The following C2CD5 variants were observed in gnomAD, a reference collection of about 807,000 sequenced individuals.
C2CD5 encodes the protein C2 calcium dependent domain containing 5.
A neutral mutation model predicts 130.3 loss-of-function variants in C2CD5; 109 were observed. The ratio of observed to expected loss-of-function variants is 0.84; its 90% CI spans 0.72 to 0.98. C2CD5 has a LOEUF of 0.98. Among genes scored for constraint, C2CD5 ranks in the 50% least tolerant of loss-of-function variants. The probability of loss-of-function intolerance (pLI) is 0.00; values close to 1 mark genes in which losing one functional copy is unlikely to be tolerated. For missense variants in C2CD5, 996 were observed against 1,261.8 expected (o/e 0.79, Z 3.19); for synonymous variants, 454 against 429.2 (o/e 1.06, Z -0.71).
chr12:22,500,199 T>C (rs1350125724), intron 10 of C2CD5, among the ~76,000 whole-genome samples: 4 of 150,014 alleles, frequency 2.7e-5, no homozygotes, highest in African/African-American at 9.8e-5. Context: ...CAAAAAATTC[T>C]AACGCTGTAG....
At chr12:22,481,790 C>T (rs1944756414) in intron 14 of C2CD5, among the ~76,000 whole-genome samples, 1 of 148,050 alleles carries the variant, frequency 6.8e-6, no homozygotes, top group Non-Finnish European at 1.5e-5. Flanking sequence ...TGCCAGCACA[C>T]CTGGTGTATT....
At chr12:22,530,460 A>T (rs889420067) in intron 3 of C2CD5, among the ~76,000 whole-genome samples, 7 of 143,956 alleles carry the variant, frequency 4.9e-5, no homozygotes, top group Non-Finnish European at 7.7e-5. Context: ...AACTTACTAA[A>T]TTTTTTTTTT....
chr12:22,524,467 A>G lies in C2CD5; in HGVS notation c.601+5T>C, dbSNP rs746345471. On this transcript the variant is annotated splice_donor_5th_base_variant and intron_variant, in intron 6 of 26. Coordinates refer to ENST00000446597, the MANE Select transcript of C2CD5 (RefSeq NM_001286176.2). ...GTCAGTAATAAAGTTATTTTTTTTA[A>G]ATACCTGACATTAACGAAATGAGTC... The G allele has an allele frequency of 1.2e-6, 2 of 1,610,658 alleles. No individual in the cohort carries two copies. Among genetic ancestry groups the G allele is most frequent in the Admixed American group, 3.4e-5 (2 of 59,024 alleles).
chr12:22,461,604 A>G (rs911712876), intron 22 of C2CD5, among the ~76,000 whole-genome samples: 1 of 152,202 alleles, frequency 6.6e-6, no homozygotes, highest in Non-Finnish European at 1.5e-5. Context: ...GACAGACAGT[A>G]AACTGCTAAA....
chr12:22,482,950 G>T (rs1944935793), intron 13 of C2CD5, among the ~76,000 whole-genome samples: 1 of 152,080 alleles, frequency 6.6e-6, no homozygotes, highest in African/African-American at 2.4e-5. Context: ...AAAAAAATAG[G>T]AAGAATGAAT....
chr12:22,506,934 C>G (rs1281684055), intron 9 of C2CD5, 115 bp from the exon 10 acceptor site: 1 of 663,210 alleles, frequency 1.5e-6, no homozygotes, highest in Non-Finnish European at 2.7e-6. Flanking sequence ...AAAAGGCCAC[C>G]CATTACACAT....
chr12:22,526,408 T>C (rs964495710), intron 4 of C2CD5, among the ~76,000 whole-genome samples: 5 of 152,318 alleles, frequency 3.3e-5, no homozygotes, highest in African/African-American at 1.2e-4. Flanking sequence ...GAAGAAATTT[T>C]TAATAAAAAT....
intron 3 of C2CD5, among the ~76,000 whole-genome samples, chr12:22,532,438 G>C (rs1951379937): frequency 6.6e-6 from 1 of 151,632 alleles, no homozygotes; most frequent in African/African-American, 2.4e-5. Context: ...ACTCTGGAAA[G>C]AATTCATGTT....
In C2CD5 at chr12:22,523,573, G is replaced by A; in HGVS notation, c.653C>T (p.Ala218Val). Reference sequence around the variant, plus strand: ...GAAACACTGTAAGTACCCCACAACTGCATTTCCTCTCATTTCAAGTACTTT... The same window carrying A: ...GAAACACTGTAAGTACCCCACAACTACATTTCCTCTCATTTCAAGTACTTT... The part of the protein sequence containing the change: ...GLKVLEMRGN[A>V]VVGYLQCFDL... The change falls in exon 7 of 27, where the codon GCA (alanine) becomes GTA (valine). Residue 218 changes from alanine (A) to valine (V), a missense_variant. Coordinates refer to ENST00000446597, the MANE Select transcript of C2CD5 (RefSeq NM_001286176.2). 1 of 1,613,722 alleles carries A rather than the reference G, an allele frequency of 6.2e-7. No individual in the cohort carries two copies.
rs758121336 is a variant in C2CD5, at chr12:22,484,805, G to A, written c.1442C>T (p.Thr481Ile). The A allele has an allele frequency of 8.7e-6, 14 of 1,608,668 alleles. No homozygotes were observed. In the South Asian group the frequency reaches 1.5e-4, roughly 18 times the overall value. ...TTGTTTCCTGCAGTTATAGCAATAT[G>A]TGAGATGAGCTGGAAATGGCATATT... ...ELNMPFPAHL[T>I]YCYNCRKQKV... The change falls in exon 13 of 27, where the codon ACA becomes ATA. Residue 481 changes from threonine to isoleucine, a missense_variant. Physicochemically the swap from Thr to Ile is moderately conservative, Grantham distance 89. This residue lies in a region of C2CD5 where 590 missense variants were observed against 631.4 expected (regional missense o/e 0.93). Coordinates refer to ENST00000446597, the MANE Select transcript of C2CD5 (RefSeq NM_001286176.2).
intron 8 of C2CD5, among the ~76,000 whole-genome samples, chr12:22,516,749 G>C (rs999533881): frequency 2.0e-5 from 3 of 151,612 alleles, no homozygotes; most frequent in Non-Finnish European, 4.4e-5. Context: ...AAATAGTAAT[G>C]TAAGTCTTTC....
intron 9 of C2CD5, among the ~76,000 whole-genome samples, chr12:22,509,731 T>C (rs1480427635): frequency 6.6e-6 from 1 of 152,200 alleles, no homozygotes; most frequent in African/African-American, 2.4e-5. Context: ...GTATAACCTT[T>C]CCCATATGAG....
intron 9 of C2CD5, among the ~76,000 whole-genome samples, chr12:22,510,430 G>A: frequency 6.6e-6 from 1 of 152,156 alleles, no homozygotes. Flanking sequence ...CTCAAAGACA[G>A]GTTAGTTGAA....
chr12:22,527,842 G>A lies in C2CD5; in HGVS notation c.228C>T (p.Asp76=). 1 of 1,611,350 alleles carries A rather than the reference G, an allele frequency of 6.2e-7. No individual in the cohort carries two copies. Among genetic ancestry groups the A allele is most frequent in the African/African-American group, 1.3e-5 (1 of 74,916 alleles). ...CATCATTTGCACTGTAAGTATCATG[G>A]TCAAGAACTGTGATCTGTAAAGGTT... The part of the protein sequence containing the change: ...QDEPLQITVL[D]HDTYSANDAI... Residue 76 remains aspartate, a synonymous_variant, in exon 4 of 27, where the codon GAC becomes GAT. Transcript: ENST00000446597.
chr12:22,514,315 G>C (rs1304064784), intron 8 of C2CD5, among the ~76,000 whole-genome samples: 1 of 152,052 alleles, frequency 6.6e-6, no homozygotes, highest in African/African-American at 2.4e-5. Context: ...GGAAACAAAG[G>C]TTAGCATATG....
At chr12:22,456,922 A>G in intron 25 of C2CD5, 49 bp downstream of exon 25, 1 of 1,218,052 alleles carries the variant, frequency 8.2e-7, no homozygotes, top group Non-Finnish European at 1.1e-6. Context: ...TTGTTACTAA[A>G]TCTTCAGAGA....
intron 2 of C2CD5, among the ~76,000 whole-genome samples, chr12:22,543,185 A>G (rs1268773757): frequency 2.6e-5 from 4 of 152,220 alleles, no homozygotes; most frequent in Admixed American, 1.3e-4. Flanking sequence ...TAATAGCCCA[A>G]ATGATTGCTG....
intron 6 of C2CD5, 54 bp downstream of exon 6, chr12:22,524,418 A>G (rs1257179980): frequency 1.3e-6 from 2 of 1,532,802 alleles, no homozygotes; most frequent in Admixed American, 1.8e-5. Flanking sequence ...AGGAAAGCAA[A>G]AAATTTAAGA....
intron 14 of C2CD5, among the ~76,000 whole-genome samples, chr12:22,479,934 A>T (rs1343567684): frequency 6.6e-6 from 1 of 152,180 alleles, no homozygotes; most frequent in Non-Finnish European, 1.5e-5. Context: ...GATATTTGTT[A>T]TTATTATTTT....
Sources: gnomAD v4.1 joint callset for allele counts (sites outside exome capture counted in the v4.1 genomes callset) on GRCh38, gnomAD v4.1.1 for gene constraint, gnomAD v4.1.1 regional missense constraint, MANE v1.5 for transcripts, NCBI Gene and HGNC (gene_info 2026-07-23, HGNC 2026-07-21) for gene names.